Variants in CEP126 observed in about 807,000 individuals in gnomAD.
The protein encoded by CEP126 is centrosomal protein of 126 kDa.
In CEP126, 74 loss-of-function variants were observed where a neutral mutation model predicts 107.8. The ratio of observed to expected loss-of-function variants is 0.69; its 90% confidence interval spans 0.57 to 0.83. The LOEUF (loss-of-function observed/expected upper bound fraction) is 0.83. CEP126 is among the 40% of genes least tolerant of loss of function. CEP126 has a pLI of 0.00. For missense variants in CEP126, 1,237 were observed against 1,281.9 expected, an observed-to-expected ratio of 0.96 and a Z score of 0.53; for synonymous variants, 449 against 446.0, an observed-to-expected ratio of 1.01 and a Z score of -0.08.
intron 5 of CEP126, among the ~76,000 whole-genome samples, chr11:101,959,969 G>A (rs929601497): frequency 6.6e-6 from 1 of 152,090 alleles, no homozygotes; most frequent in African/African-American, 2.4e-5. Flanking sequence ...AAGTAGGAAT[G>A]GAAATGTTTA....
At chr11:101,985,286 CTTT>C in intron 8 of CEP126, among the ~76,000 whole-genome samples, 1 of 136,830 alleles carries the variant, frequency 7.3e-6, no homozygotes. Context: ...AAATGAGTTT[CTTT>C]TTTTTTTTTT....
intron 4 of CEP126, among the ~76,000 whole-genome samples, chr11:101,954,350 C>A (rs973321656): frequency 1.3e-5 from 2 of 152,096 alleles, no homozygotes; most frequent in African/African-American, 4.8e-5. Flanking sequence ...TTTAAAAACT[C>A]TTGTAGAATG....
chr11:101,987,945 AG>A (rs1357547722), intron 9 of CEP126, among the ~76,000 whole-genome samples: 7 of 152,118 alleles, frequency 4.6e-5, no homozygotes, highest in Non-Finnish European at 1.0e-4. Context: ...GTGAAATCCA[AG>A]GAAAATGAGC....
At chr11:101,976,760 A>C (rs1244970216) in intron 6 of CEP126, among the ~76,000 whole-genome samples, 1 of 152,192 alleles carries the variant, frequency 6.6e-6, no homozygotes, top group Non-Finnish European at 1.5e-5. Context: ...TTTTTTAAGC[A>C]GGCTCAGAAG....
At chr11:101,956,734 A>T (rs1301408846) in intron 4 of CEP126, 1 of 454,974 alleles carries the variant, frequency 2.2e-6, no homozygotes, top group South Asian at 1.6e-5. Flanking sequence ...TTCCCTCTCC[A>T]GTTTCTCCTG....
rs890054495 is a variant in CEP126, at chr11:101,999,073, A to G, written c.*1430A>G. 9.2e-5 allele frequency: 14 copies of G among 152,230 alleles called. No individual in the cohort carries two copies. Among genetic ancestry groups the G allele is most frequent in the Non-Finnish European group, 1.9e-4 (13 of 68,038 alleles). The allele number at this position is 152,230 out of a possible 1,614,324, so 9.4% of individuals were successfully genotyped here. ...TGTGCTTTCCTATATTTTTAATTTTAAGAATAGGATTTCGGAAGGCGACAG... is the reference window on the plus strand; with the variant it reads ...TGTGCTTTCCTATATTTTTAATTTTGAGAATAGGATTTCGGAAGGCGACAG... On this transcript the variant is annotated 3_prime_UTR_variant, in exon 11 of 11. Transcript: ENST00000263468.
intron 4 of CEP126, among the ~76,000 whole-genome samples, chr11:101,950,763 T>A (rs1940801584): frequency 6.6e-6 from 1 of 152,130 alleles, no homozygotes; most frequent in African/African-American, 2.4e-5. Context: ...GACTACAGGA[T>A]GTGTTGCTGA....
At chr11:101,971,551 G>C (rs543367347) in intron 6 of CEP126, among the ~76,000 whole-genome samples, 7 of 151,576 alleles carry the variant, frequency 4.6e-5, no homozygotes, top group African/African-American at 9.7e-5. Context: ...GAGGTGTTGC[G>C]TTGTTTTTGT....
At position 101,999,930 on chromosome 11, in the gene CEP126, C is replaced by T. The variant is rs1292188891; in HGVS notation, c.*2287C>T. On this transcript the variant is annotated 3_prime_UTR_variant, in exon 11 of 11. Transcript: ENST00000263468. Reference sequence around the variant, plus strand: ...GTGCACGGTAGCTTATGCCTGTAATCTCAGCACTTTGGGAGGCCAAGGCAG... The same window carrying T: ...GTGCACGGTAGCTTATGCCTGTAATTTCAGCACTTTGGGAGGCCAAGGCAG... 6.6e-6 allele frequency: 1 copy of T among 152,364 alleles called. No individual in the cohort carries two copies. The highest frequency in any genetic ancestry group is 1.5e-5 in the Non-Finnish European group (1 of 68,232). 9.4% of individuals were successfully genotyped at this position (152,364 alleles called of 1,614,324 possible). A position where few individuals can be genotyped will look rare whatever the true frequency, so the allele number is the denominator to read the frequency against.
intron 2 of CEP126, among the ~76,000 whole-genome samples, chr11:101,927,231 G>A (rs1284102184): frequency 1.3e-5 from 2 of 152,194 alleles, no homozygotes; most frequent in East Asian, 3.8e-4. Context: ...GAACCTGGGA[G>A]GCAAAGGTTG....
intron 6 of CEP126, among the ~76,000 whole-genome samples, chr11:101,964,476 T>C (rs976519488): frequency 7.2e-5 from 11 of 151,826 alleles, no homozygotes; most frequent in Admixed American, 7.2e-4. Flanking sequence ...TCTACAAAAA[T>C]ACAAAAATTA....
At chr11:101,969,773 A>C (rs1336124296) in intron 6 of CEP126, among the ~76,000 whole-genome samples, 1 of 152,226 alleles carries the variant, frequency 6.6e-6, no homozygotes, top group African/African-American at 2.4e-5. Flanking sequence ...CCAATTAAAT[A>C]GAGAGTCCAG....
At chr11:101,977,089 T>A (rs1175016867) in intron 6 of CEP126, among the ~76,000 whole-genome samples, 2 of 152,202 alleles carry the variant, frequency 1.3e-5, no homozygotes, top group African/African-American at 4.8e-5. Flanking sequence ...AATTTGTATA[T>A]CACTAGCTAA....
chr11:101,957,391 CTCT>C (rs1399282673), intron 4 of CEP126, among the ~76,000 whole-genome samples: 2 of 152,206 alleles, frequency 1.3e-5, no homozygotes, highest in African/African-American at 4.8e-5. Flanking sequence ...TCCCCCAAAA[CTCT>C]TCTTTAGTTC....
chr11:101,963,894 T>C lies in CEP126; in HGVS notation c.2845+14T>C, dbSNP rs1159406016. On this transcript the variant is annotated intron_variant, in intron 6 of 10. Coordinates refer to ENST00000263468, the MANE Select transcript of CEP126 (RefSeq NM_020802.4). ...AGAGGGCTACAGGTAAGAATAAATT[T>C]ATAGCTTTTTATAGATAAAATGTAC... 3 of 1,487,290 alleles carry C rather than the reference T, an allele frequency of 2.0e-6. No individual in the cohort carries two copies. The African/African-American group carries it at 4.2e-5, about 21-fold the overall frequency. The allele number at this position is 1,487,290 out of a possible 1,614,324, so 92.1% of individuals were successfully genotyped here. A position where few individuals can be genotyped will look rare whatever the true frequency, so the allele number is the denominator to read the frequency against.
At chr11:101,915,496 G>C in intron 1 of CEP126, 84 bp downstream of exon 1, 1 of 1,500,990 alleles carries the variant, frequency 6.7e-7, no homozygotes, top group Non-Finnish European at 9.0e-7. Flanking sequence ...CATTACCTTT[G>C]ACGCAGGGTG....
rs1434690987 is a variant in CEP126, at chr11:101,999,280, C to T, written c.*1637C>T. On this transcript the variant is annotated 3_prime_UTR_variant, in exon 11 of 11. Transcript: ENST00000263468. ...GTTGTTTGTGAATCATTCCAAGCAC[C>T]TCAGATGAAAACTCACTTTTATTAA... The T allele has an allele frequency of 1.3e-5, 2 of 150,918 alleles. No homozygotes were observed. The highest frequency in any genetic ancestry group is 4.9e-5 in the African/African-American group (2 of 41,016). 9.3% of individuals were successfully genotyped at this position (150,918 alleles called of 1,614,324 possible). A position where few individuals can be genotyped will look rare whatever the true frequency, so the allele number is the denominator to read the frequency against.
At chr11:101,957,551 G>C (rs965747667) in intron 4 of CEP126, among the ~76,000 whole-genome samples, 1 of 152,132 alleles carries the variant, frequency 6.6e-6, no homozygotes, top group African/African-American at 2.4e-5. Context: ...TTAAGGGTAC[G>C]CTTCTGTGGC....
At chr11:101,944,606 A>G (rs1372946915) in intron 3 of CEP126, among the ~76,000 whole-genome samples, 196 bp downstream of exon 3, 1 of 152,194 alleles carries the variant, frequency 6.6e-6, no homozygotes, top group Non-Finnish European at 1.5e-5. Flanking sequence ...TGTTGGCACT[A>G]TTACTAAATT....
Sources: gnomAD v4.1 joint callset for allele counts (sites outside exome capture counted in the v4.1 genomes callset) on GRCh38, gnomAD v4.1.1 for gene constraint, MANE v1.5 for transcripts, NCBI Gene and HGNC (gene_info 2026-07-23, HGNC 2026-07-21) for gene names.